The following MTCL2 variants were observed in gnomAD, a reference collection of about 807,000 sequenced individuals.
The protein encoded by MTCL2 is microtubule crosslinking factor 2, also known as microtubule cross-linking factor 2.
the MTCL2 span, chr20:36,797,005 G>C: frequency 1.3e-6 from 2 of 1,551,080 alleles, no homozygotes; most frequent in East Asian, 2.2e-5. Flanking sequence ...GAGCACTAAG[G>C]GCATGGAACA....
At chr20:36,839,107 G>T in the MTCL2 span, 2 of 946,894 alleles carry the variant, frequency 2.1e-6, no homozygotes, top group Non-Finnish European at 3.2e-6. The surrounding 1 kb of genome is among the most constrained non-coding windows in gnomAD (Gnocchi z 5.1). Flanking sequence ...GCCCAGAGAG[G>T]TGGTAGAACT....
the MTCL2 span, among the ~76,000 whole-genome samples, chr20:36,801,805 AAAT>A: frequency 6.6e-6 from 1 of 150,742 alleles, no homozygotes; most frequent in Non-Finnish European, 1.5e-5. Context: ...TCTCTACTAA[AAAT>A]AAAAAATTAG....
At chr20:36,847,083 A>T in the MTCL2 span, among the ~76,000 whole-genome samples, 6 of 152,242 alleles carry the variant, frequency 3.9e-5, no homozygotes, top group African/African-American at 1.4e-4. Context: ...TACGTGCATT[A>T]TCAGTTGACA....
chr20:36,795,393 C>G, the MTCL2 span, among the ~76,000 whole-genome samples: 1,008 of 152,274 alleles, frequency 6.6e-3, 13 homozygotes, highest in African/African-American at 0.023. Flanking sequence ...CCTGGCCTCT[C>G]TTTGCACTTT....
the MTCL2 span, among the ~76,000 whole-genome samples, chr20:36,819,441 G>A: frequency 2.0e-5 from 3 of 152,222 alleles, no homozygotes; most frequent in Admixed American, 6.5e-5. Flanking sequence ...CAGAGGGGCA[G>A]GGACTTGTCC....
chr20:36,814,092 C>T, the MTCL2 span, among the ~76,000 whole-genome samples: 3 of 152,184 alleles, frequency 2.0e-5, no homozygotes, highest in African/African-American at 4.8e-5. Context: ...AAACCATGTA[C>T]GCTTCCTTCA....
At chr20:36,830,595 C>G in the MTCL2 span, among the ~76,000 whole-genome samples, 1 of 152,284 alleles carries the variant, frequency 6.6e-6, no homozygotes, top group African/African-American at 2.4e-5. Context: ...CAAAGCAAAA[C>G]AAAACAGAGA....
chr20:36,841,359 A>C, the MTCL2 span, among the ~76,000 whole-genome samples: 9 of 151,936 alleles, frequency 5.9e-5, no homozygotes, highest in Non-Finnish European at 1.3e-4. Flanking sequence ...GATACTGTTA[A>C]GTGCTATAAA....
the MTCL2 span, among the ~76,000 whole-genome samples, chr20:36,802,015 G>C: frequency 6.6e-6 from 1 of 151,916 alleles, no homozygotes; most frequent in African/African-American, 2.4e-5. Context: ...GCCGGGCATG[G>C]TGGCTCACTC....
the MTCL2 span, among the ~76,000 whole-genome samples, chr20:36,786,825 T>C: frequency 2.6e-5 from 4 of 152,072 alleles, no homozygotes; most frequent in Non-Finnish European, 4.4e-5. Context: ...GTAATGGAAG[T>C]TCATTGTAAT....
the MTCL2 span, among the ~76,000 whole-genome samples, chr20:36,829,985 G>T: frequency 1.3e-5 from 2 of 151,448 alleles, no homozygotes; most frequent in African/African-American, 4.9e-5. Flanking sequence ...GGCAATAAGA[G>T]CAAAACTTTG....
chr20:36,806,987 C>CT, the MTCL2 span, among the ~76,000 whole-genome samples: 2 of 152,320 alleles, frequency 1.3e-5, no homozygotes, highest in South Asian at 4.2e-4. Context: ...TTCCCTTAAA[C>CT]TGGGCTTCAT....
At chr20:36,825,748 T>C in the MTCL2 span, among the ~76,000 whole-genome samples, 3 of 152,148 alleles carry the variant, frequency 2.0e-5, no homozygotes, top group African/African-American at 2.4e-5. Flanking sequence ...CTCGTCTCCA[T>C]AGAAACCATG....
At chr20:36,799,721 G>A in the MTCL2 span, among the ~76,000 whole-genome samples, 1 of 151,652 alleles carries the variant, frequency 6.6e-6, no homozygotes, top group Non-Finnish European at 1.5e-5. Context: ...GAAGAAGGGA[G>A]GGAGGAAGGG....
the MTCL2 span, chr20:36,812,821 C>G: frequency 6.2e-7 from 1 of 1,612,608 alleles, no homozygotes; most frequent in Admixed American, 1.7e-5. Flanking sequence ...GCTCCCATTC[C>G]GGCAGGTCCC....
the MTCL2 span, among the ~76,000 whole-genome samples, chr20:36,855,010 C>T: frequency 2.1e-3 from 325 of 152,228 alleles, 2 homozygotes; most frequent in African/African-American, 7.3e-3. Flanking sequence ...CAGACTGATG[C>T]CCCAAGCCAA....
At chr20:36,810,717 C>CCTCTCCCTCTCTCTCTCTCTCT in the MTCL2 span, among the ~76,000 whole-genome samples, 11 of 94,270 alleles carry the variant, frequency 1.2e-4, no homozygotes, top group East Asian at 2.8e-3. Flanking sequence ...TCTCTCTCTC[C>CCTCTCCCTCTCTCTCTCTCTCT]CTCTCTCTCT....
At chr20:36,824,262 T>C in the MTCL2 span, among the ~76,000 whole-genome samples, 2 of 152,228 alleles carry the variant, frequency 1.3e-5, no homozygotes, top group Non-Finnish European at 1.5e-5. Flanking sequence ...TTATTCATAG[T>C]AGCCAAAACA....
chr20:36,808,882 G>A, the MTCL2 span: 1 of 696,232 alleles, frequency 1.4e-6, no homozygotes, highest in Non-Finnish European at 2.4e-6. Flanking sequence ...ACCACACGTG[G>A]CGCAATCTAT....
Sources: gnomAD v4.1 joint callset for allele counts (sites outside exome capture counted in the v4.1 genomes callset) on GRCh38, gnomAD v4.1.1 for gene constraint, Gnocchi (gnomAD v3.1) non-coding constraint, MANE v1.5 for transcripts, NCBI Gene and HGNC (gene_info 2026-07-23, HGNC 2026-07-21) for gene names.